Variants in CPNE8 observed in about 807,000 individuals in gnomAD.
The protein encoded by CPNE8 is copine-8.
A neutral mutation model predicts 81.5 loss-of-function variants in CPNE8; 45 were observed. That is an observed-to-expected ratio of 0.55 (90% confidence interval 0.44 to 0.71). CPNE8 has a LOEUF of 0.71. Among genes scored for constraint, CPNE8 ranks in the 30% least tolerant of loss-of-function variants. The pLI is 0.00. For synonymous variants in CPNE8, 252 were observed against 226.3 expected (o/e 1.11, Z -1.02); for missense variants, 594 against 672.1 (o/e 0.88, Z 1.28).
chr12:38,744,056 A>C (rs1941170773), intron 10 of CPNE8, among the ~76,000 whole-genome samples: 2 of 152,172 alleles, frequency 1.3e-5, no homozygotes, highest in Non-Finnish European at 2.9e-5. Flanking sequence ...TATTATAAGC[A>C]GCATCGAGTG....
intron 3 of CPNE8, among the ~76,000 whole-genome samples, chr12:38,854,728 A>AT (rs1464800921): frequency 1.3e-5 from 2 of 152,110 alleles, no homozygotes; most frequent in Non-Finnish European, 2.9e-5. Context: ...AAGTTTCCAG[A>AT]TAAAAATTCA....
intron 1 of CPNE8, among the ~76,000 whole-genome samples, chr12:38,896,088 G>C (rs1054626407): frequency 6.6e-6 from 1 of 152,036 alleles, no homozygotes; most frequent in African/African-American, 2.4e-5. Context: ...TTAATTTAAA[G>C]AAAATAGATG....
At chr12:38,721,545 T>A (rs1940565051) in intron 13 of CPNE8, among the ~76,000 whole-genome samples, 1 of 152,180 alleles carries the variant, frequency 6.6e-6, no homozygotes, top group Admixed American at 6.5e-5. Context: ...GGCTCACCCT[T>A]CATTTTCTGC....
intron 7 of CPNE8, among the ~76,000 whole-genome samples, chr12:38,767,950 T>A (rs1367747402): frequency 6.6e-6 from 1 of 152,152 alleles, no homozygotes; most frequent in Non-Finnish European, 1.5e-5. Flanking sequence ...TACAAAACTA[T>A]TACTTTTCAA....
chr12:38,687,567 A>C (rs1378845685), intron 15 of CPNE8, among the ~76,000 whole-genome samples: 2 of 151,730 alleles, frequency 1.3e-5, no homozygotes, highest in African/African-American at 4.8e-5. Flanking sequence ...TTTTTAGTAA[A>C]GGCAGGGTTT....
chr12:38,877,238 T>C (rs1183828320), intron 1 of CPNE8, among the ~76,000 whole-genome samples: 1 of 152,206 alleles, frequency 6.6e-6, no homozygotes, highest in East Asian at 1.9e-4. Context: ...GTTCATAGAC[T>C]AGTATAAAGA....
intron 10 of CPNE8, among the ~76,000 whole-genome samples, chr12:38,739,676 C>A (rs998486780): frequency 6.6e-6 from 1 of 152,068 alleles, no homozygotes; most frequent in African/African-American, 2.4e-5. Context: ...TTCCTATTCA[C>A]TTTTTAAAAG....
intron 6 of CPNE8, among the ~76,000 whole-genome samples, chr12:38,814,862 AGGT>A (rs1237532003): frequency 6.6e-6 from 1 of 152,160 alleles, no homozygotes; most frequent in Admixed American, 6.6e-5. Flanking sequence ...AAACCTCTGT[AGGT>A]TCATCATGGA....
At chr12:38,863,382 CTT>C in intron 3 of CPNE8, among the ~76,000 whole-genome samples, 1 of 152,298 alleles carries the variant, frequency 6.6e-6, no homozygotes, top group African/African-American at 2.4e-5. Context: ...TAACAGCAAA[CTT>C]TGTCAGACAT....
chr12:38,781,823 C>T (rs1942058702), intron 6 of CPNE8, among the ~76,000 whole-genome samples: 1 of 151,988 alleles, frequency 6.6e-6, no homozygotes, highest in African/African-American at 2.4e-5. Context: ...TCCTTAACTC[C>T]AATCTAACCA....
At chr12:38,749,394 T>A (rs1259702121) in intron 10 of CPNE8, among the ~76,000 whole-genome samples, 3 of 151,058 alleles carry the variant, frequency 2.0e-5, no homozygotes, top group Non-Finnish European at 4.4e-5. Context: ...TAGAGTGAGG[T>A]GTTGCTGAAA....
intron 15 of CPNE8, among the ~76,000 whole-genome samples, chr12:38,687,374 C>CTTTTTTTTTTT (rs61259310): frequency 3.4e-5 from 2 of 58,658 alleles, no homozygotes; most frequent in Non-Finnish European, 7.2e-5. Flanking sequence ...CCAAGACTTT[C>CTTTTTTTTTTT]TTTTTTTTTT....
intron 11 of CPNE8, chr12:38,726,624 AAATT>A (rs1284353168): frequency 1.3e-5 from 2 of 152,216 alleles, no homozygotes; most frequent in African/African-American, 4.8e-5. Flanking sequence ...TCAATGAATA[AAATT>A]AATTCAATCA....
chr12:38,817,739 T>A (rs141563743), intron 6 of CPNE8, among the ~76,000 whole-genome samples: 1,558 of 145,206 alleles, frequency 0.011, 114 homozygotes, highest in Admixed American at 0.098. Context: ...TTCTCCTGCC[T>A]CAGCCTCCCG....
chr12:38,776,237 C>A lies in CPNE8; in HGVS notation c.471+1G>T. 2 of 1,528,416 alleles carry A rather than the reference C, an allele frequency of 1.3e-6. No individual in the cohort carries two copies. The highest frequency in any genetic ancestry group is 1.8e-6 in the Non-Finnish European group (2 of 1,122,772). 94.7% of individuals were successfully genotyped at this position (1,528,416 alleles called of 1,614,324 possible). The stretch of plus-strand genomic sequence containing the variant: ...TCTAAACCAAAGAAATATTTACTTA[C>A]CCTGCAACAGTTTAATTCCTCTGCT... On this transcript the variant is annotated splice_donor_variant, in intron 7 of 19. Coordinates refer to ENST00000331366, the MANE Select transcript of CPNE8 (RefSeq NM_153634.3). LOFTEE classifies it high-confidence loss of function.
intron 19 of CPNE8, among the ~76,000 whole-genome samples, chr12:38,660,002 T>G (rs758923479): frequency 2.0e-5 from 3 of 152,086 alleles, no homozygotes; most frequent in Admixed American, 6.5e-5. Flanking sequence ...ATGCTCATGG[T>G]TAGGAAGAAT....
chr12:38,890,391 G>C (rs1431723717), intron 1 of CPNE8, among the ~76,000 whole-genome samples: 1 of 152,184 alleles, frequency 6.6e-6, no homozygotes, highest in African/African-American at 2.4e-5. Flanking sequence ...ATAGTGACTT[G>C]ACTTAAGTAA....
At chr12:38,792,853 A>G (rs1328511440) in intron 6 of CPNE8, among the ~76,000 whole-genome samples, 1 of 151,916 alleles carries the variant, frequency 6.6e-6, no homozygotes, top group Non-Finnish European at 1.5e-5. Context: ...TGGCAAACTG[A>G]AATCAATGGC....
intron 17 of CPNE8, among the ~76,000 whole-genome samples, chr12:38,677,187 C>A (rs1287299197): frequency 6.6e-6 from 1 of 151,948 alleles, no homozygotes; most frequent in Admixed American, 6.6e-5. Context: ...GGTTAACAAA[C>A]CCATGCCTGT....
Sources: allele counts gnomAD v4.1 joint callset (sites outside exome capture counted in the v4.1 genomes callset), GRCh38; gene constraint gnomAD v4.1.1; transcripts MANE v1.5; gene names NCBI Gene and HGNC (gene_info 2026-07-23, HGNC 2026-07-21).